The following CADPS2 variants were observed in gnomAD, a reference collection of about 807,000 sequenced individuals.
The protein encoded by CADPS2 is calcium dependent secretion activator 2, also known as calcium-dependent secretion activator 2.
In CADPS2, 93 loss-of-function variants were observed where a neutral mutation model predicts 172.5. That is an observed-to-expected ratio of 0.54 (90% CI 0.46 to 0.64). CADPS2 has a LOEUF of 0.64. Ranked by LOEUF, CADPS2 falls within the 30% of genes least tolerant of loss-of-function variation. The pLI, the probability that CADPS2 is intolerant of heterozygous loss-of-function variation, is 0.00. For missense variants in CADPS2, 1,420 were observed against 1,565.9 expected, an observed-to-expected ratio of 0.91 and a Z score of 1.57; for synonymous variants, 546 against 555.2, an observed-to-expected ratio of 0.98 and a Z score of 0.23.
chr7:122,720,477 T>C (rs922306563), intron 2 of CADPS2, among the ~76,000 whole-genome samples: 8 of 151,142 alleles, frequency 5.3e-5, no homozygotes, highest in Admixed American at 4.0e-4. Flanking sequence ...GATATATGTA[T>C]GTATGTATAT....
At chr7:122,745,300 T>C (rs1052588785) in intron 1 of CADPS2, among the ~76,000 whole-genome samples, 1 of 151,980 alleles carries the variant, frequency 6.6e-6, no homozygotes. Flanking sequence ...CTGATTAATC[T>C]TCTTAAAATT....
At chr7:122,538,126 T>C (rs11974367) in intron 8 of CADPS2, among the ~76,000 whole-genome samples, 2,285 of 130,882 alleles carry the variant, frequency 0.017, 58 homozygotes, top group African/African-American at 0.061. Context: ...GACTGAAAAA[T>C]CCCACTTATA....
intron 1 of CADPS2, among the ~76,000 whole-genome samples, chr7:122,796,397 A>T (rs1348088622): frequency 2.6e-5 from 4 of 152,098 alleles, no homozygotes; most frequent in Non-Finnish European, 5.9e-5. Context: ...TATGGAGCCC[A>T]AATAGCCAAG....
At chr7:122,574,122 A>C (rs941669522) in intron 7 of CADPS2, among the ~76,000 whole-genome samples, 1 of 152,040 alleles carries the variant, frequency 6.6e-6, no homozygotes, top group Non-Finnish European at 1.5e-5. Flanking sequence ...TGTCGTTGAG[A>C]AGCAGTAAAC....
chr7:122,408,675 C>A (rs1184988973), intron 19 of CADPS2, among the ~76,000 whole-genome samples: 1 of 152,152 alleles, frequency 6.6e-6, no homozygotes, highest in Non-Finnish European at 1.5e-5. Flanking sequence ...GATCTGCCGG[C>A]CTTGGCCTCT....
chr7:122,564,079 T>C (rs548275255), intron 7 of CADPS2, among the ~76,000 whole-genome samples: 1 of 152,212 alleles, frequency 6.6e-6, no homozygotes, highest in South Asian at 2.1e-4. Context: ...ATACTTCTGG[T>C]TGCACTTTGG....
At chr7:122,648,833 C>A (rs527478742) in intron 3 of CADPS2, among the ~76,000 whole-genome samples, 10 of 152,276 alleles carry the variant, frequency 6.6e-5, no homozygotes, top group African/African-American at 2.4e-4. Flanking sequence ...CTAAGAACTT[C>A]ATAGGCAACA....
intron 1 of CADPS2, among the ~76,000 whole-genome samples, chr7:122,818,388 G>A (rs558248385): frequency 3.7e-4 from 57 of 152,166 alleles, no homozygotes; most frequent in Non-Finnish European, 6.2e-4. Flanking sequence ...AATTCTTGTC[G>A]TAAAATAGGC....
At chr7:122,653,712 C>A (rs2079429772) in intron 3 of CADPS2, among the ~76,000 whole-genome samples, 1 of 152,120 alleles carries the variant, frequency 6.6e-6, no homozygotes, top group South Asian at 2.1e-4. Flanking sequence ...ATAATTCTCA[C>A]AACATTTCAA....
chr7:122,652,126 A>G (rs2079214876), intron 3 of CADPS2, among the ~76,000 whole-genome samples: 1 of 152,176 alleles, frequency 6.6e-6, no homozygotes, highest in African/African-American at 2.4e-5. Flanking sequence ...CCAGAGATTA[A>G]CCACACCACT....
intron 1 of CADPS2, among the ~76,000 whole-genome samples, chr7:122,797,493 TA>T (rs1215628740): frequency 1.1e-4 from 16 of 152,142 alleles, no homozygotes; most frequent in African/African-American, 3.9e-4. Flanking sequence ...GTGGTACATA[TA>T]CCCCATGGAA....
intron 2 of CADPS2, among the ~76,000 whole-genome samples, chr7:122,732,142 C>A (rs185107756): frequency 6.6e-6 from 1 of 151,444 alleles, no homozygotes; most frequent in Admixed American, 6.6e-5. Flanking sequence ...CATAGAAATA[C>A]CCAAAAAGAT....
At chr7:122,739,584 G>A (rs1343377590) in intron 1 of CADPS2, among the ~76,000 whole-genome samples, 2 of 152,088 alleles carry the variant, frequency 1.3e-5, no homozygotes, top group East Asian at 3.9e-4. Flanking sequence ...GAGTCACCTG[G>A]CTAAATGTCA....
At chr7:122,712,224 G>A (rs57389578) in intron 2 of CADPS2, among the ~76,000 whole-genome samples, 10,080 of 151,960 alleles carry the variant, frequency 0.066, 380 homozygotes, top group South Asian at 0.17. Context: ...GCAGGACTTC[G>A]CTATGCTCCT....
chr7:122,357,610 CA>C (rs1290595764), intron 27 of CADPS2, among the ~76,000 whole-genome samples: 1 of 152,056 alleles, frequency 6.6e-6, no homozygotes, highest in Non-Finnish European at 1.5e-5. Flanking sequence ...TGCTGTGTTC[CA>C]AAAAATCCCC....
intron 24 of CADPS2, among the ~76,000 whole-genome samples, chr7:122,381,578 CTTAAAATCAA>C (rs2043002001): frequency 6.6e-6 from 1 of 152,034 alleles, no homozygotes; most frequent in East Asian, 1.9e-4. Context: ...TCTGGCAAAT[CTTAAAATCAA>C]GGGACGAGCC....
intron 14 of CADPS2, among the ~76,000 whole-genome samples, chr7:122,469,454 C>G (rs1332247866): frequency 6.6e-6 from 1 of 152,144 alleles, no homozygotes; most frequent in Admixed American, 6.5e-5. Context: ...GGAGACGAGA[C>G]AGTTTTAGTA....
At chr7:122,672,315 G>C (rs2081950544) in intron 2 of CADPS2, among the ~76,000 whole-genome samples, 1 of 152,166 alleles carries the variant, frequency 6.6e-6, no homozygotes, top group African/African-American at 2.4e-5. Flanking sequence ...GGCGTCGGTG[G>C]TCACCCTCCA....
chr7:122,787,783 C>A (rs1222994929), intron 1 of CADPS2, among the ~76,000 whole-genome samples: 1 of 152,178 alleles, frequency 6.6e-6, no homozygotes, highest in East Asian at 1.9e-4. Context: ...GTTAGAGTAG[C>A]CTTCAGGAAC....
Sources: gnomAD v4.1 joint callset for allele counts (sites outside exome capture counted in the v4.1 genomes callset) on GRCh38, gnomAD v4.1.1 for gene constraint, MANE v1.5 for transcripts, NCBI Gene and HGNC (gene_info 2026-07-23, HGNC 2026-07-21) for gene names.